The following FOXP2 variants were observed in gnomAD, a reference collection of about 807,000 sequenced individuals.
The protein encoded by FOXP2 is forkhead box protein P2.
A neutral mutation model predicts 115.8 loss-of-function variants in FOXP2; 12 were observed. That is an observed-to-expected ratio of 0.10 (90% confidence interval 0.07 to 0.17). The LOEUF is 0.17. Ranked by LOEUF, FOXP2 falls within the 10% of genes least tolerant of loss-of-function variation. The pLI, the probability that FOXP2 is intolerant of heterozygous loss-of-function variation, is 1.00. For synonymous variants in FOXP2, 328 were observed against 297.7 expected (o/e 1.10, Z -1.05); for missense variants, 629 against 843.5 (o/e 0.75, Z 3.15).
intron 1 of FOXP2, among the ~76,000 whole-genome samples, chr7:114,225,286 A>G (rs1018142877): frequency 3.9e-5 from 6 of 152,030 alleles, no homozygotes; most frequent in African/African-American, 7.3e-5. Flanking sequence ...CTGTAAATTT[A>G]TCTGGGTCTT....
intron 3 of FOXP2, among the ~76,000 whole-genome samples, chr7:114,574,433 T>C (rs1407595869): frequency 2.0e-5 from 3 of 151,820 alleles, no homozygotes; most frequent in Non-Finnish European, 4.4e-5. Flanking sequence ...AAAAAAAATC[T>C]TCACTTATTT....
chr7:114,393,963 CAT>C (rs919219904), intron 2 of FOXP2, among the ~76,000 whole-genome samples: 2 of 139,744 alleles, frequency 1.4e-5, no homozygotes, highest in African/African-American at 2.7e-5. Context: ...TGTCAGTGTG[CAT>C]GTGTGTGTGT....
At chr7:114,153,140 A>G (rs1792570390) in intron 1 of FOXP2, among the ~76,000 whole-genome samples, 1 of 152,152 alleles carries the variant, frequency 6.6e-6, no homozygotes, top group Non-Finnish European at 1.5e-5. Context: ...GTCTTGTTTG[A>G]CTTTGGCATA....
At chr7:114,560,217 T>C (rs1800695789) in intron 3 of FOXP2, among the ~76,000 whole-genome samples, 1 of 152,224 alleles carries the variant, frequency 6.6e-6, no homozygotes, top group Non-Finnish European at 1.5e-5. Flanking sequence ...CCCCAAGTTT[T>C]ATTTTGCCGT....
chr7:114,086,577 C>T, upstream of FOXP2: 1 of 411,440 alleles, frequency 2.4e-6, no homozygotes. Flanking sequence ...CGGGTGCCAC[C>T]TCCCGGGACG....
intron 1 of FOXP2, among the ~76,000 whole-genome samples, chr7:114,186,136 G>A (rs1022872186): frequency 3.3e-5 from 5 of 152,018 alleles, no homozygotes; most frequent in Non-Finnish European, 7.4e-5. Context: ...CATGATTTTT[G>A]GACGGGACGT....
intron 2 of FOXP2, among the ~76,000 whole-genome samples, chr7:114,328,530 C>G (rs1797617729): frequency 6.6e-6 from 1 of 151,936 alleles, no homozygotes; most frequent in Non-Finnish European, 1.5e-5. Context: ...GCCACCGCGC[C>G]CAGCCTCAGC....
At chr7:114,140,431 C>T (rs1562978098) in intron 1 of FOXP2, among the ~76,000 whole-genome samples, 1 of 152,100 alleles carries the variant, frequency 6.6e-6, no homozygotes. Flanking sequence ...TGCACGGTTT[C>T]TTAATTTCCA....
chr7:114,625,073 T>G (rs1292086652), intron 3 of FOXP2, among the ~76,000 whole-genome samples: 1 of 151,694 alleles, frequency 6.6e-6, no homozygotes, highest in Non-Finnish European at 1.5e-5. Flanking sequence ...TTAATTCATG[T>G]AATGAGATAA....
At chr7:114,093,134 T>C (rs542780538) in intron 1 of FOXP2, among the ~76,000 whole-genome samples, 3 of 152,152 alleles carry the variant, frequency 2.0e-5, no homozygotes, top group Admixed American at 1.3e-4. Context: ...TTACATAAGG[T>C]CTTGTTGTTT....
chr7:114,688,212 C>CACACACAT (rs1554445361), intron 16 of FOXP2, among the ~76,000 whole-genome samples: 4 of 67,666 alleles, frequency 5.9e-5, no homozygotes, highest in Non-Finnish European at 2.0e-4. Context: ...CATGCATACA[C>CACACACAT]ACACACACAC....
intron 2 of FOXP2, among the ~76,000 whole-genome samples, chr7:114,316,348 CCAGTTCATT>C (rs1363403916): frequency 6.6e-6 from 1 of 152,170 alleles, no homozygotes; most frequent in East Asian, 1.9e-4. Context: ...ATGTTCTCGA[CCAGTTCATT>C]CATTCAGCAT....
chr7:114,196,479 A>G (rs1793910973), intron 1 of FOXP2, among the ~76,000 whole-genome samples: 1 of 152,180 alleles, frequency 6.6e-6, no homozygotes, highest in African/African-American at 2.4e-5. Flanking sequence ...TTGGAGAAAA[A>G]TTTAAAACTT....
chr7:114,431,064 T>G (rs1046338135), intron 2 of FOXP2, among the ~76,000 whole-genome samples: 1 of 151,918 alleles, frequency 6.6e-6, no homozygotes, highest in Non-Finnish European at 1.5e-5. Flanking sequence ...TACAGTGCAT[T>G]CTTAAGTTCC....
At chr7:114,670,732 C>G (rs1807446530) in intron 16 of FOXP2, among the ~76,000 whole-genome samples, 1 of 151,810 alleles carries the variant, frequency 6.6e-6, no homozygotes, top group Admixed American at 6.6e-5. Context: ...ATTTGCAGGC[C>G]CTACATCTTT....
At chr7:114,359,693 G>A (rs1467864871) in intron 2 of FOXP2, among the ~76,000 whole-genome samples, 1 of 152,208 alleles carries the variant, frequency 6.6e-6, no homozygotes, top group African/African-American at 2.4e-5. Context: ...TTTGACTGCA[G>A]CACTGGATTT....
At chr7:114,432,414 GATTA>G (rs1347362801) in intron 2 of FOXP2, among the ~76,000 whole-genome samples, 1 of 151,900 alleles carries the variant, frequency 6.6e-6, no homozygotes, top group Non-Finnish European at 1.5e-5. Context: ...AAGGAGATTG[GATTA>G]ATTTACACTC....
chr7:114,201,950 TAAG>T (rs1328811933), intron 1 of FOXP2, among the ~76,000 whole-genome samples: 3 of 152,170 alleles, frequency 2.0e-5, no homozygotes, highest in African/African-American at 7.2e-5. Flanking sequence ...AATCAAACTG[TAAG>T]AAACAAGATA....
At chr7:114,399,227 C>T (rs890278591) in intron 2 of FOXP2, among the ~76,000 whole-genome samples, 2 of 151,686 alleles carry the variant, frequency 1.3e-5, no homozygotes, top group African/African-American at 4.8e-5. Context: ...CCTGACTCAG[C>T]CTCCCGAGTA....
Sources: allele counts gnomAD v4.1 joint callset (sites outside exome capture counted in the v4.1 genomes callset), GRCh38; gene constraint gnomAD v4.1.1; transcripts MANE v1.5; gene names NCBI Gene and HGNC (gene_info 2026-07-23, HGNC 2026-07-21).